Variants in DBT observed in about 807,000 individuals in gnomAD.
The protein encoded by DBT is dihydrolipoamide branched chain transacylase E2.
Under a neutral mutation model 51.3 loss-of-function variants are expected in DBT, and 40 were observed. That is an observed-to-expected ratio of 0.78 (90% CI 0.61 to 1.02). The LOEUF is 1.02. Among genes scored for constraint, DBT ranks in the 50% least tolerant of loss-of-function variants. The pLI is 0.00. For missense variants in DBT, 510 were observed against 580.2 expected (o/e 0.88, Z 1.24); for synonymous variants, 181 against 190.4 (o/e 0.95, Z 0.41).
At chr1:100,220,903 C>A (rs1376816836) in intron 4 of DBT, among the ~76,000 whole-genome samples, 3 of 152,146 alleles carry the variant, frequency 2.0e-5, no homozygotes, top group African/African-American at 7.2e-5. Flanking sequence ...ATATTCTCTA[C>A]ATCTGTTAAA....
rs1194305676 is a variant in DBT, at chr1:100,191,807, C to CACACAG, written c.*4447_*4448insCTGTGT. 1 of 145,842 alleles carries CACACAG rather than the reference C, an allele frequency of 6.9e-6. No homozygotes were observed. Among genetic ancestry groups the CACACAG allele is most frequent in the African/African-American group, 2.5e-5 (1 of 39,514 alleles). The allele number at this position is 145,842 out of a possible 1,614,324, so 9.0% of individuals were successfully genotyped here. On this transcript the variant is annotated 3_prime_UTR_variant, in exon 11 of 11. Transcript: ENST00000370132. Reference sequence around the variant, plus strand: ...ACACACACACACACACACACACACACAGAGTCTTGCTCTGTCGCCCAGGCT... The same window carrying CACACAG: ...ACACACACACACACACACACACACACACACAGAGAGTCTTGCTCTGTCGCCCAGGCT...
chr1:100,224,732 T>C lies in DBT; in HGVS notation c.434-5985A>G, dbSNP rs190095421. Among the ~76,000 whole-genome samples the C allele has an allele frequency of 2.0e-5, 3 of 151,980 alleles. No individual in the cohort carries two copies. The East Asian group carries it at 5.8e-4, about 29-fold the overall frequency. On this transcript the variant is annotated intron_variant, in intron 4 of 10. Transcript: ENST00000370132. ...CTGCACATACATAAAATATAAAATC[T>C]GAGGCTGGGCATGGTAGCTCACGCC...
rs1661092313 is a variant in DBT, at chr1:100,196,378, C to T, written c.1326G>A (p.Gln442=). The T allele has an allele frequency of 6.6e-7, 1 of 1,522,768 alleles. No homozygotes were observed. Among genetic ancestry groups the T allele is most frequent in the Non-Finnish European group, 8.8e-7 (1 of 1,132,942 alleles). 94.3% of individuals were successfully genotyped at this position (1,522,768 alleles called of 1,614,324 possible). ...CAGCTGACCAGCTCACATTCATTAT[C>T]TGTGCCTTATATACTTCTCCTTTCT... is the stretch of plus-strand genomic sequence containing the variant. ...FNQKGEVYKA[Q]IMNVSWSADH... is the part of the protein sequence containing the mutation. Residue 442 remains glutamine, a synonymous_variant, in exon 11 of 11, where the codon CAG becomes CAA. Coordinates refer to ENST00000370132, the MANE Select transcript of DBT (RefSeq NM_001918.5).
chr1:100,244,279 T>C (rs1570851759), intron 1 of DBT, among the ~76,000 whole-genome samples: 1 of 152,140 alleles, frequency 6.6e-6, no homozygotes, highest in Non-Finnish European at 1.5e-5. Flanking sequence ...TGCTGGGACA[T>C]TGAGCGGCTT....
At chr1:100,201,150 C>G (rs1359566686) in intron 10 of DBT, among the ~76,000 whole-genome samples, 2 of 151,890 alleles carry the variant, frequency 1.3e-5, no homozygotes, top group Admixed American at 1.3e-4. Flanking sequence ...AAGCTAGGAA[C>G]CTTGATAAAA....
chr1:100,210,180 G>A (rs1276882004), intron 8 of DBT, among the ~76,000 whole-genome samples: 2 of 151,560 alleles, frequency 1.3e-5, no homozygotes, highest in Non-Finnish European at 1.5e-5. Flanking sequence ...GCATAGTGGC[G>A]CATGCCTATA....
chr1:100,196,431 G>GAGAAAAA lies in DBT; in HGVS notation c.1282-10_1282-9insTTTTTCT. 3.1e-6 allele frequency: 2 copies of GAGAAAAA among 647,930 alleles called. No homozygotes were observed. Among genetic ancestry groups the GAGAAAAA allele is most frequent in the South Asian group, 2.1e-5 (1 of 47,436 alleles). 40.1% of individuals were successfully genotyped at this position (647,930 alleles called of 1,614,324 possible). The stretch of plus-strand genomic sequence containing the variant: ...TTAAATCGGGGAATGGCCTAGAAAT[G>GAGAAAAA]AAAAAAAAAAAAAAAAAAAAAAAAA... On this transcript the variant is annotated splice_polypyrimidine_tract_variant and intron_variant, in intron 10 of 10. Transcript: ENST00000370132.
In DBT at chr1:100,223,979, T is replaced by TCATAGG. The variant is rs559618877; in HGVS notation, c.434-5233_434-5232insCCTATG. ...TAGAGGTCTGTTACAGTCAAAGGAC[T>TCATAGG]CATAGATAGGACTTGGAGGTCACAA... On this transcript the variant is annotated intron_variant, in intron 4 of 10. Coordinates refer to ENST00000370132, the MANE Select transcript of DBT (RefSeq NM_001918.5). Among the ~76,000 whole-genome samples the TCATAGG allele has an allele frequency of 8.4e-3, 1,276 of 152,308 alleles. 10 individuals carry two copies. The highest frequency in any genetic ancestry group is 0.013 in the Non-Finnish European group (906 of 68,022).
intron 7 of DBT, chr1:100,213,312 T>C (rs1028506134): frequency 1.8e-5 from 27 of 1,492,204 alleles, no homozygotes; most frequent in Non-Finnish European, 2.1e-5. Flanking sequence ...AAGACTCTGC[T>C]GCAGGAGCGG....
chr1:100,234,774 G>A (rs1437703274), intron 3 of DBT, among the ~76,000 whole-genome samples: 2 of 152,120 alleles, frequency 1.3e-5, no homozygotes, highest in Non-Finnish European at 2.9e-5. Flanking sequence ...TGTTATTACA[G>A]TTCTCTTCTA....
chr1:100,190,552 G>T lies in DBT; in HGVS notation c.*5703C>A. Reference sequence around the variant, plus strand: ...AAATAAATTTTAATCAGTGTGCTAAGGGAGTAAATCTGGTACAGTTCTGGA... The same window carrying T: ...AAATAAATTTTAATCAGTGTGCTAATGGAGTAAATCTGGTACAGTTCTGGA... On this transcript the variant is annotated 3_prime_UTR_variant, in exon 11 of 11. Transcript: ENST00000370132. The T allele has an allele frequency of 6.6e-6, 1 of 152,296 alleles. No individual in the cohort carries two copies. The allele number at this position is 152,296 out of a possible 1,614,324, so 9.4% of individuals were successfully genotyped here.
intron 10 of DBT, 104 bp downstream of exon 10, chr1:100,206,126 T>G (rs1661766575): frequency 2.5e-6 from 2 of 793,482 alleles, no homozygotes; most frequent in East Asian, 2.5e-5. Flanking sequence ...CTCAGAAACT[T>G]AAAACCTACA....
chr1:100,221,973 G>A (rs187878137), intron 4 of DBT, among the ~76,000 whole-genome samples: 21 of 152,280 alleles, frequency 1.4e-4, no homozygotes, highest in African/African-American at 4.8e-4. Flanking sequence ...ATTCAAGTGT[G>A]TTTGGAAGAC....
At chr1:100,228,359 C>G (rs1462860303) in intron 4 of DBT, among the ~76,000 whole-genome samples, 2 of 151,980 alleles carry the variant, frequency 1.3e-5, no homozygotes, top group Non-Finnish European at 2.9e-5. Context: ...CAACTAGGTG[C>G]AATGTATGGT....
At chr1:100,208,239 A>G (rs1416252934) in intron 8 of DBT, among the ~76,000 whole-genome samples, 2 of 152,220 alleles carry the variant, frequency 1.3e-5, no homozygotes, top group Non-Finnish European at 2.9e-5. Flanking sequence ...GGGGTAAATG[A>G]AACATAAGTG....
rs1204380585 is a variant in DBT at position 100,206,651 on chromosome 1, A to G, written c.1018-15T>C. The G allele has an allele frequency of 1.3e-6, 2 of 1,496,806 alleles. No homozygotes were observed. Among genetic ancestry groups the G allele is most frequent in the Middle Eastern group, 1.7e-4 (1 of 5,846 alleles). 92.7% of individuals were successfully genotyped at this position (1,496,806 alleles called of 1,614,324 possible). A position where few individuals can be genotyped will look rare whatever the true frequency, so the allele number is the denominator to read the frequency against. ...TTATGAGAAGCCTAAAAAATAAAAA[A>G]TTGTACAGTAGGGCTTTTAATGAAT... On this transcript the variant is annotated splice_polypyrimidine_tract_variant and intron_variant, in intron 8 of 10. Transcript: ENST00000370132.
At chr1:100,202,591 G>A (rs1402929422) in intron 10 of DBT, among the ~76,000 whole-genome samples, 2 of 151,992 alleles carry the variant, frequency 1.3e-5, no homozygotes, top group Non-Finnish European at 2.9e-5. Flanking sequence ...AATAGACATC[G>A]ACAGAACTCT....
intron 8 of DBT, among the ~76,000 whole-genome samples, chr1:100,208,175 T>C (rs1336817567): frequency 6.6e-6 from 1 of 152,134 alleles, no homozygotes; most frequent in Non-Finnish European, 1.5e-5. Flanking sequence ...CTTTGTTTCA[T>C]GCACAAAAAT....
rs920810590 is a variant in DBT, at chr1:100,191,391, G to A, written c.*4864C>T. The A allele has an allele frequency of 4.6e-5, 7 of 152,126 alleles. No individual in the cohort carries two copies. Among genetic ancestry groups the A allele is most frequent in the Non-Finnish European group, 7.4e-5 (5 of 68,018 alleles). The allele number at this position is 152,126 out of a possible 1,614,324, so 9.4% of individuals were successfully genotyped here. A position where few individuals can be genotyped will look rare whatever the true frequency, so the allele number is the denominator to read the frequency against. On this transcript the variant is annotated 3_prime_UTR_variant, in exon 11 of 11. Coordinates refer to ENST00000370132, the MANE Select transcript of DBT (RefSeq NM_001918.5). ...GCTTCACAGTTTAATAGTATCTTAT[G>A]TATTTGCCTTCCACTCCCTACTCTA...
Sources: allele counts gnomAD v4.1 joint callset (sites outside exome capture counted in the v4.1 genomes callset), GRCh38; gene constraint gnomAD v4.1.1; transcripts MANE v1.5; gene names NCBI Gene and HGNC (gene_info 2026-07-23, HGNC 2026-07-21).